The following DCAF8 variants were observed in gnomAD, a reference collection of about 807,000 sequenced individuals.
DCAF8 encodes DDB1- and CUL4-associated factor 8.
In DCAF8, 20 loss-of-function variants were observed where a neutral mutation model predicts 68.0. The observed-to-expected ratio is 0.29, with a 90% confidence interval of 0.21 to 0.43. The LOEUF is 0.43. Among genes scored for constraint, DCAF8 ranks in the 20% least tolerant of loss-of-function variants. The pLI is 1.00. For missense variants in DCAF8, 460 were observed against 771.0 expected, an observed-to-expected ratio of 0.60 and a Z score of 4.78; for synonymous variants, 230 against 276.9, an observed-to-expected ratio of 0.83 and a Z score of 1.68.
intron 2 of DCAF8, among the ~76,000 whole-genome samples, chr1:160,253,846 C>T (rs1461009220): frequency 6.6e-6 from 1 of 151,182 alleles, no homozygotes; most frequent in Non-Finnish European, 1.5e-5. Flanking sequence ...ACAAAAAAAC[C>T]AAGAAGGTAA....
chr1:160,238,124 G>A (rs955472167), intron 5 of DCAF8, among the ~76,000 whole-genome samples: 1 of 152,106 alleles, frequency 6.6e-6, no homozygotes, highest in African/African-American at 2.4e-5. Flanking sequence ...CCTTAAAACT[G>A]GCAGCTCTTA....
At chr1:160,258,996 C>G (rs529736733) in intron 2 of DCAF8, among the ~76,000 whole-genome samples, 1 of 152,308 alleles carries the variant, frequency 6.6e-6, no homozygotes, top group East Asian at 1.9e-4. Context: ...ACCCACCTCA[C>G]CACCACCCTG....
chr1:160,248,931 C>T (rs1656469308), intron 2 of DCAF8, among the ~76,000 whole-genome samples: 1 of 151,806 alleles, frequency 6.6e-6, no homozygotes, highest in Non-Finnish European at 1.5e-5. Context: ...GTGCCTCACA[C>T]CTGTAATCCC....
At chr1:160,240,457 A>C (rs900723505) in intron 3 of DCAF8, 87 bp from the exon 4 acceptor site, 5 of 1,297,512 alleles carry the variant, frequency 3.9e-6, no homozygotes, top group Non-Finnish European at 5.2e-6. Context: ...TCTTCACATC[A>C]AAAGACCAAA....
At chr1:160,253,647 C>CAAAAAAAAA (rs747211563) in intron 2 of DCAF8, among the ~76,000 whole-genome samples, 3 of 26,948 alleles carry the variant, frequency 1.1e-4, no homozygotes, top group African/African-American at 1.8e-4. Flanking sequence ...GACTCCATCT[C>CAAAAAAAAA]AAAAAAAAAA....
chr1:160,239,875 C>T lies in DCAF8; in HGVS notation c.545G>A (p.Arg182His). The T allele has an allele frequency of 6.2e-7, 1 of 1,614,232 alleles. No individual in the cohort carries two copies. Among genetic ancestry groups the T allele is most frequent in the Non-Finnish European group, 8.5e-7 (1 of 1,180,042 alleles). Residue 182 changes from arginine to histidine, a missense_variant, in exon 4 of 14, where the codon CGT becomes CAT. This residue lies in a region of DCAF8 where 170 missense variants were observed against 318.2 expected (regional missense o/e 0.53). Transcript: ENST00000368074. ...CTCAAGCCCATGCTGCAGGCGGAAA[C>T]GCTGCACAAAGACTCTTGCCCCACA... is the stretch of plus-strand genomic sequence containing the variant. ...EACGARVFVQ[R>H]FRLQHGLEGH... is the part of the protein sequence containing the mutation.
chr1:160,233,086 A>G (rs1655748419), intron 6 of DCAF8, among the ~76,000 whole-genome samples: 1 of 152,204 alleles, frequency 6.6e-6, no homozygotes, highest in Non-Finnish European at 1.5e-5. Flanking sequence ...CTAAGGTTTT[A>G]TTTATTTCTG....
intron 9 of DCAF8, 71 bp downstream of exon 9, chr1:160,224,991 G>A: frequency 6.9e-7 from 1 of 1,454,762 alleles, no homozygotes; most frequent in Non-Finnish European, 9.7e-7. Context: ...GAGGGCACAT[G>A]CCTCACTGGC....
chr1:160,243,320 AG>A (rs1656190196), intron 3 of DCAF8, among the ~76,000 whole-genome samples: 1 of 152,048 alleles, frequency 6.6e-6, no homozygotes, highest in Non-Finnish European at 1.5e-5. Flanking sequence ...AATGGAAAGA[AG>A]GGAGGGGAAG....
chr1:160,245,226 T>A (rs1282385040), intron 2 of DCAF8, among the ~76,000 whole-genome samples: 3 of 152,196 alleles, frequency 2.0e-5, no homozygotes, highest in Non-Finnish European at 1.5e-5. Flanking sequence ...AACATTCATA[T>A]TTTTTTCAGA....
intron 11 of DCAF8, among the ~76,000 whole-genome samples, chr1:160,221,817 C>CAAAA (rs58539770): frequency 4.8e-4 from 30 of 62,172 alleles, no homozygotes; most frequent in African/African-American, 1.2e-3. Flanking sequence ...TTCTAGGTCT[C>CAAAA]AAAAAAAAAA....
chr1:160,222,587 G>T, intron 11 of DCAF8, 64 bp downstream of exon 11: 1 of 1,595,732 alleles, frequency 6.3e-7, no homozygotes, highest in Non-Finnish European at 8.6e-7. Context: ...CAGTGTCCCT[G>T]CTAAAACCTA....
chr1:160,218,746 G>T, intron 12 of DCAF8, 103 bp downstream of exon 12: 1 of 1,522,352 alleles, frequency 6.6e-7, no homozygotes, highest in Non-Finnish European at 9.0e-7. Flanking sequence ...TTAGAGCAGT[G>T]CCTTTAAAGA....
At position 160,256,107 on chromosome 1, in the gene DCAF8, C is replaced by G. The variant is rs140470365; in HGVS notation, c.-27+5178G>C. On this transcript the variant is annotated intron_variant, in intron 2 of 13. Transcript: ENST00000368074. ...GGCTCAAGCAGTCCTCCCAACTCAGCCCCCCGAGTAGTTGGGATTACAGGT... is the reference window on the plus strand; with the variant it reads ...GGCTCAAGCAGTCCTCCCAACTCAGGCCCCCGAGTAGTTGGGATTACAGGT... 1.8e-3 allele frequency among the ~76,000 whole-genome samples: 266 copies of G among 150,706 alleles called. 4 individuals are homozygous for G. In the East Asian group the frequency reaches 0.026, roughly 15 times the overall value.
Position 160,222,781 on chromosome 1 carries a change from A to G in DCAF8, c.1310T>C (p.Val437Ala). Residue 437 changes from valine (V) to alanine (A), a missense_variant and splice_region_variant, in exon 11 of 14, where the codon GTA (valine) becomes GCA (alanine). Val to Ala is a moderately conservative substitution (Grantham distance 64). Transcript: ENST00000368074. ...GGGGCCATAGAAATTGACGCCTTTTACTGAAATGATAAATGAGGGAAGAAA... is the reference window on the plus strand; with the variant it reads ...GGGGCCATAGAAATTGACGCCTTTTGCTGAAATGATAAATGAGGGAAGAAA... ...RYKGHRNNAT[V>A]KGVNFYGPKS... The G allele has an allele frequency of 6.2e-7, 1 of 1,614,180 alleles. No homozygotes were observed. Among genetic ancestry groups the G allele is most frequent in the Non-Finnish European group, 8.5e-7 (1 of 1,180,004 alleles).
At position 160,239,860 on chromosome 1, in the gene DCAF8, T is replaced by C. The variant is rs770874428; in HGVS notation, c.560A>G (p.His187Arg). Residue 187 changes from histidine (H) to arginine (R), a missense_variant, in exon 4 of 14, where the codon CAT becomes CGT. Physicochemically the swap from His to Arg is conservative, Grantham distance 29 (BLOSUM62 0). Coordinates refer to ENST00000368074, the MANE Select transcript of DCAF8 (RefSeq NM_015726.4). ...ACAACCAGTATGGCCCTCAAGCCCA[T>C]GCTGCAGGCGGAAACGCTGCACAAA... ...RVFVQRFRLQ[H>R]GLEGHTGCVN... is the part of the protein sequence containing the mutation. 6.2e-7 allele frequency: 1 copy of C among 1,614,268 alleles called. No individual in the cohort carries two copies. The highest frequency in any genetic ancestry group is 2.2e-5 in the East Asian group (1 of 44,886).
intron 2 of DCAF8, among the ~76,000 whole-genome samples, chr1:160,250,159 C>T (rs1229721735): frequency 1.3e-5 from 2 of 152,120 alleles, no homozygotes; most frequent in Non-Finnish European, 1.5e-5. Context: ...CCTTAATAAA[C>T]GTGGCCTAAA....
At chr1:160,236,816 C>T (rs1413225036) in intron 6 of DCAF8, among the ~76,000 whole-genome samples, 1 of 152,102 alleles carries the variant, frequency 6.6e-6, no homozygotes, top group African/African-American at 2.4e-5. Flanking sequence ...CAGGACTGTA[C>T]CTCTACATGA....
chr1:160,238,762 ATG>A lies in DCAF8; in HGVS notation c.724-17_724-16del. On this transcript the variant is annotated splice_polypyrimidine_tract_variant and intron_variant, in intron 4 of 13. Coordinates refer to ENST00000368074, the MANE Select transcript of DCAF8 (RefSeq NM_015726.4). ...AGAAACTTGGCCTGGGGTGTTAAAA[ATG>A]AAAAAAAGGACACACAAAAGAAATG... The A allele has an allele frequency of 6.3e-7, 1 of 1,584,248 alleles. No homozygotes were observed. The highest frequency in any genetic ancestry group is 1.7e-4 in the Middle Eastern group (1 of 5,912).
Sources: gnomAD v4.1 joint callset for allele counts (sites outside exome capture counted in the v4.1 genomes callset) on GRCh38, gnomAD v4.1.1 for gene constraint, gnomAD v4.1.1 regional missense constraint, MANE v1.5 for transcripts, NCBI Gene and HGNC (gene_info 2026-07-23, HGNC 2026-07-21) for gene names.